PRKCH: variants seen among roughly 807,000 people sequenced by gnomAD.
The protein encoded by PRKCH is protein kinase C eta.
A neutral mutation model predicts 82.5 loss-of-function variants in PRKCH; 28 were observed. That is an observed-to-expected ratio of 0.34 (90% CI 0.25 to 0.47). The LOEUF is 0.47. Ranked by LOEUF, PRKCH falls within the 20% of genes least tolerant of loss-of-function variation. The pLI, the probability that PRKCH is intolerant of heterozygous loss-of-function variation, is 1.00. For missense variants in PRKCH, 705 were observed against 881.8 expected (o/e 0.80, Z 2.54); for synonymous variants, 322 against 327.4 (o/e 0.98, Z 0.18).
At chr14:61,252,473 A>C (rs78794248) in intron 1 of PRKCH, among the ~76,000 whole-genome samples, 2,240 of 152,274 alleles carry the variant, frequency 0.015, 21 homozygotes, top group Middle Eastern at 0.037. Flanking sequence ...CAATCACTTG[A>C]GATGCACCAA....
At chr14:61,484,013 C>G (rs1886096727) in intron 9 of PRKCH, among the ~76,000 whole-genome samples, 1 of 152,182 alleles carries the variant, frequency 6.6e-6, no homozygotes, top group African/African-American at 2.4e-5. Flanking sequence ...TGCACTTCAG[C>G]TTGGGTGACA....
intron 10 of PRKCH, chr14:61,525,615 T>G (rs1296416997): frequency 6.6e-6 from 1 of 152,234 alleles, no homozygotes; most frequent in Admixed American, 6.5e-5. Context: ...TGACAGCAGC[T>G]GAGTAATAAG....
intron 10 of PRKCH, among the ~76,000 whole-genome samples, chr14:61,510,287 A>G (rs1887319213): frequency 6.6e-6 from 1 of 152,160 alleles, no homozygotes; most frequent in Admixed American, 6.5e-5. Context: ...CTAACGGGAA[A>G]TAAATGCAGT....
At chr14:61,488,886 T>C (rs117981113) in intron 10 of PRKCH, among the ~76,000 whole-genome samples, 2,003 of 152,334 alleles carry the variant, frequency 0.013, 28 homozygotes, top group Non-Finnish European at 0.018. Context: ...GTTCTGAGAA[T>C]TGATTTTAAT....
intron 1 of PRKCH, among the ~76,000 whole-genome samples, chr14:61,213,256 A>G (rs1226058729): frequency 1.3e-5 from 2 of 152,228 alleles, no homozygotes; most frequent in Non-Finnish European, 2.9e-5. Flanking sequence ...AAAGGTCAGC[A>G]GAAATCACAA....
chr14:61,454,174 G>A (rs1045299976), intron 7 of PRKCH, among the ~76,000 whole-genome samples: 1 of 150,026 alleles, frequency 6.7e-6, no homozygotes, highest in Non-Finnish European at 1.5e-5. Context: ...AGTGATATTC[G>A]CTCACTGCAA....
intron 1 of PRKCH, among the ~76,000 whole-genome samples, chr14:61,204,438 G>A (rs1047657915): frequency 6.6e-6 from 1 of 152,052 alleles, no homozygotes; most frequent in African/African-American, 2.4e-5. Context: ...AAGAGTAAGA[G>A]CAGGAAGTGT....
At chr14:61,263,847 T>TTGTGTGTGTGTGTGTGTGTGTG (rs56280986) in intron 1 of PRKCH, among the ~76,000 whole-genome samples, 26 of 144,190 alleles carry the variant, frequency 1.8e-4, no homozygotes, top group Non-Finnish European at 2.4e-4. Flanking sequence ...AGTCAGAGTA[T>TTGTGTGTGTGTGTGTGTGTGTG]TGTGTGTGTG....
At chr14:61,403,640 G>T (rs981424772) in intron 2 of PRKCH, among the ~76,000 whole-genome samples, 1 of 152,178 alleles carries the variant, frequency 6.6e-6, no homozygotes, top group African/African-American at 2.4e-5. Context: ...AGCAGAACAA[G>T]GCAGTCACGA....
intron 2 of PRKCH, among the ~76,000 whole-genome samples, chr14:61,430,603 G>A (rs1883338891): frequency 6.6e-6 from 1 of 152,140 alleles, no homozygotes; most frequent in Non-Finnish European, 1.5e-5. Flanking sequence ...GGGCAGGAGA[G>A]GCCCCCCTCC....
At chr14:61,408,807 G>T (rs1365844580) in intron 2 of PRKCH, among the ~76,000 whole-genome samples, 1 of 152,158 alleles carries the variant, frequency 6.6e-6, no homozygotes, top group Non-Finnish European at 1.5e-5. Flanking sequence ...CTCGGCCATT[G>T]CTTCAAATCC....
rs557967507 is a variant in PRKCH, at chr14:61,374,221, G to A, written c.364-17004G>A. Among the ~76,000 whole-genome samples, 78 of 152,244 alleles carry A rather than the reference G, an allele frequency of 5.1e-4. 1 individual carries two copies. The highest frequency in any genetic ancestry group is 1.7e-3 in the East Asian group (9 of 5,182). On this transcript the variant is annotated intron_variant, in intron 1 of 13. Coordinates refer to ENST00000332981, the MANE Select transcript of PRKCH (RefSeq NM_006255.5). ...CACACCGATGCAAGGGGTGGGCTCC[G>A]AATGTCTTGGGCAGTTCTACTCTGT...
intron 2 of PRKCH, among the ~76,000 whole-genome samples, chr14:61,420,309 G>A (rs1882768671): frequency 6.6e-6 from 1 of 152,114 alleles, no homozygotes; most frequent in South Asian, 2.1e-4. Context: ...TGGGAGCTTG[G>A]CACATGCTAC....
chr14:61,283,985 G>A (rs1389513685), intron 1 of PRKCH, among the ~76,000 whole-genome samples: 1 of 152,178 alleles, frequency 6.6e-6, no homozygotes, highest in Non-Finnish European at 1.5e-5. Flanking sequence ...AGATGTCAGA[G>A]AAGTGTGTAT....
intron 1 of PRKCH, among the ~76,000 whole-genome samples, chr14:61,370,143 C>T (rs554916738): frequency 1.3e-5 from 2 of 152,070 alleles, no homozygotes; most frequent in South Asian, 4.1e-4. Flanking sequence ...AAGGTTTCAC[C>T]ATGTTGCTCA....
intron 2 of PRKCH, among the ~76,000 whole-genome samples, chr14:61,398,957 C>T (rs530782025): frequency 2.0e-5 from 3 of 152,208 alleles, no homozygotes; most frequent in South Asian, 2.1e-4. Flanking sequence ...AAATGGAAAC[C>T]GTGCCTGGAT....
intron 3 of PRKCH, among the ~76,000 whole-genome samples, chr14:61,444,117 T>C (rs944513504): frequency 6.6e-6 from 1 of 152,244 alleles, no homozygotes; most frequent in Non-Finnish European, 1.5e-5. Flanking sequence ...TTATTTTGGA[T>C]TTTATATCTT....
At chr14:61,261,344 T>G (rs1359153847) in intron 1 of PRKCH, among the ~76,000 whole-genome samples, 1 of 152,190 alleles carries the variant, frequency 6.6e-6, no homozygotes, top group Non-Finnish European at 1.5e-5. Flanking sequence ...GAGAAACAGA[T>G]GTAAGCTCTC....
At position 61,280,265 on chromosome 14, in the gene PRKCH, C is replaced by A; in HGVS notation, c.-19+92597C>A. On this transcript the variant is annotated intron_variant, in intron 1 of 3. Coordinates refer to the PRKCH transcript ENST00000555185. The surrounding 1 kb of genome is among the most constrained non-coding windows in gnomAD (Gnocchi z 5.0). ...ATGAGGAGCTTGTGGCCGCCGAACG[C>A]GCGCACCGGGTAGTTGTAGGTGATG... 6.2e-7 allele frequency: 1 copy of A among 1,614,060 alleles called. No homozygotes were observed. Among genetic ancestry groups the A allele is most frequent in the Non-Finnish European group, 8.5e-7 (1 of 1,180,000 alleles).
Sources: gnomAD v4.1 joint callset for allele counts (sites outside exome capture counted in the v4.1 genomes callset) on GRCh38, gnomAD v4.1.1 for gene constraint, Gnocchi (gnomAD v3.1) non-coding constraint, MANE v1.5 for transcripts, NCBI Gene and HGNC (gene_info 2026-07-23, HGNC 2026-07-21) for gene names.